The following CFAP73 variants were observed in gnomAD, a reference collection of about 807,000 sequenced individuals.
CFAP73 encodes the protein cilia and flagella associated protein 73.
CFAP73 carries 33 observed loss-of-function variants against 42.9 expected under a neutral mutation model. The observed-to-expected ratio is 0.77, with a 90% CI of 0.58 to 1.03. The LOEUF (loss-of-function observed/expected upper bound fraction) is 1.03, where lower values mean the gene tolerates loss of function less well. CFAP73 is among the 50% of genes least tolerant of loss of function. The pLI, the probability that CFAP73 is intolerant of heterozygous loss-of-function variation, is 0.00. For missense variants in CFAP73, 392 were observed against 411.9 expected (o/e 0.95, Z 0.42); for synonymous variants, 162 against 186.8 (o/e 0.87, Z 1.08).
At chr12:113,157,185 T>C (rs960648848) in intron 6 of CFAP73, 32 of 164,360 alleles carry the variant, frequency 1.9e-4, no homozygotes, top group Non-Finnish European at 1.3e-5. Flanking sequence ...GTTTTTACAA[T>C]GGATCCATGG....
At chr12:113,153,000 A>G in intron 3 of CFAP73, 113 bp downstream of exon 3, 1 of 863,348 alleles carries the variant, frequency 1.2e-6, no homozygotes, top group South Asian at 1.7e-5. Flanking sequence ...TGCAAAAGGA[A>G]ACGGCGGGAA....
intron 6 of CFAP73, among the ~76,000 whole-genome samples, chr12:113,155,996 C>T (rs980749279): frequency 6.6e-6 from 1 of 150,814 alleles, no homozygotes; most frequent in Non-Finnish European, 1.5e-5. Context: ...GACACGATCT[C>T]GGCTCACTGC....
In CFAP73 at chr12:113,158,771, T is replaced by C; in HGVS notation, c.*82T>C. On this transcript the variant is annotated 3_prime_UTR_variant, in exon 8 of 8. Transcript: ENST00000335621. This position sits in a 1 kb window ranked among gnomAD's most constrained non-coding sequence, Gnocchi z 4.9. ...CACAGATGATGGCTCCTGCAGGGAG[T>C]GCCCCCAGTGCCCAGCACAGGGCCA... 8.1e-7 allele frequency: 1 copy of C among 1,235,208 alleles called. No individual in the cohort carries two copies. The highest frequency in any genetic ancestry group is 1.1e-6 in the Non-Finnish European group (1 of 901,814). 76.5% of individuals were successfully genotyped at this position (1,235,208 alleles called of 1,614,324 possible). A position where few individuals can be genotyped will look rare whatever the true frequency, so the allele number is the denominator to read the frequency against.
Position 113,149,754 on chromosome 12 carries a change from A to G in CFAP73, c.-104A>G. 1 of 1,198,150 alleles carries G rather than the reference A, an allele frequency of 8.3e-7. No individual in the cohort carries two copies. Among genetic ancestry groups the G allele is most frequent in the Non-Finnish European group, 1.2e-6 (1 of 838,710 alleles). The allele number at this position is 1,198,150 out of a possible 1,614,324, so 74.2% of individuals were successfully genotyped here. A position where few individuals can be genotyped will look rare whatever the true frequency, so the allele number is the denominator to read the frequency against. On this transcript the variant is annotated 5_prime_UTR_variant, in exon 1 of 8. Coordinates refer to ENST00000335621, the MANE Select transcript of CFAP73 (RefSeq NM_001144872.3). Reference sequence around the variant, plus strand: ...CTGCTGGTGGCTGCCTTCTGGGCCGAGCTGAGCAGGCTTCCACACCACGCT... The same window carrying G: ...CTGCTGGTGGCTGCCTTCTGGGCCGGGCTGAGCAGGCTTCCACACCACGCT...
Position 113,154,501 on chromosome 12 carries a change from G to A in CFAP73, c.556G>A (p.Ala186Thr). The A allele has an allele frequency of 6.5e-7, 1 of 1,534,594 alleles. No homozygotes were observed. The highest frequency in any genetic ancestry group is 8.8e-7 in the Non-Finnish European group (1 of 1,142,176). The change falls in exon 5 of 8, where the codon GCG becomes ACG. Residue 186 changes from alanine (A) to threonine (T), a missense_variant. Ala to Thr is a moderately conservative substitution (Grantham distance 58, BLOSUM62 0). Transcript: ENST00000335621. This position sits in a 1 kb window ranked among gnomAD's most constrained non-coding sequence, Gnocchi z 4.7. ...ALRLREREQL[A>T]ELEAARARLQ... ...GAGGCTCAGGGAGCGCGAGCAGCTC[G>A]CGGAGCTGGAGGCGGCGCGAGCGCG...
chr12:113,151,350 C>A (rs192311835), intron 1 of CFAP73, among the ~76,000 whole-genome samples: 1 of 152,098 alleles, frequency 6.6e-6, no homozygotes, highest in African/African-American at 2.4e-5. Context: ...GGCATGGTGG[C>A]GTGCACCTGT....
rs1261169443 is a variant in CFAP73 at position 113,157,586 on chromosome 12, TG to T, written c.850-15del. 6.4e-7 allele frequency: 1 copy of T among 1,551,348 alleles called. No homozygotes were observed. The highest frequency in any genetic ancestry group is 1.4e-5 in the African/African-American group (1 of 73,186). ...ACTCTGGGGCTGGGATGTGACTTCG[TG>T]CTGGGCCCCCCCAGGTGAAGCTGTT... is the stretch of plus-strand genomic sequence containing the variant. On this transcript the variant is annotated splice_polypyrimidine_tract_variant and intron_variant, in intron 6 of 7. Coordinates refer to ENST00000335621, the MANE Select transcript of CFAP73 (RefSeq NM_001144872.3).
intron 7 of CFAP73, chr12:113,157,990 C>G: frequency 2.4e-6 from 1 of 416,978 alleles, no homozygotes; most frequent in Non-Finnish European, 4.4e-6. Flanking sequence ...AAAAAAAACT[C>G]TTTGTCAGGT....
Position 113,157,700 on chromosome 12 carries a change from G to A in CFAP73, c.*11+10G>A, listed in dbSNP as rs1177395545. ...CCTAGCCCTGACACAGGTGAGCAGC[G>A]GGAGAGGGAACCCCTGAGAGACCCT... On this transcript the variant is annotated intron_variant, in intron 7 of 7. Coordinates refer to ENST00000335621, the MANE Select transcript of CFAP73 (RefSeq NM_001144872.3). 1.6e-5 allele frequency: 24 copies of A among 1,546,700 alleles called. No individual in the cohort carries two copies. Among genetic ancestry groups the A allele is most frequent in the Admixed American group, 2.0e-5 (1 of 50,988 alleles).
intron 1 of CFAP73, among the ~76,000 whole-genome samples, chr12:113,150,666 C>T (rs1025117508): frequency 1.3e-5 from 2 of 152,174 alleles, no homozygotes; most frequent in Non-Finnish European, 1.5e-5. Context: ...TCTCCCGCAG[C>T]TGCCCACTGT....
intron 5 of CFAP73, 139 bp from the exon 6 acceptor site, chr12:113,155,121 G>A (rs1293647426): frequency 2.9e-6 from 2 of 701,542 alleles, no homozygotes. Flanking sequence ...AGTGAGCTGA[G>A]ATCAGGCCAC....
chr12:113,155,046 T>G (rs920432275), intron 5 of CFAP73, among the ~76,000 whole-genome samples: 1 of 152,036 alleles, frequency 6.6e-6, no homozygotes, highest in Non-Finnish European at 1.5e-5. Context: ...GGCGGGCGCC[T>G]GTACTCCCAG....
At chr12:113,152,167 C>A in intron 2 of CFAP73, 144 bp downstream of exon 2, 1 of 635,200 alleles carries the variant, frequency 1.6e-6, no homozygotes, top group Non-Finnish European at 2.8e-6. Context: ...CAAATGAGAC[C>A]AGTTGTTGGT....
chr12:113,155,247 G>C lies in CFAP73; in HGVS notation c.691-13G>C. The C allele has an allele frequency of 6.6e-7, 1 of 1,518,792 alleles. No individual in the cohort carries two copies. The highest frequency in any genetic ancestry group is 8.9e-7 in the Non-Finnish European group (1 of 1,122,730). The allele number at this position is 1,518,792 out of a possible 1,614,324, so 94.1% of individuals were successfully genotyped here. A position where few individuals can be genotyped will look rare whatever the true frequency, so the allele number is the denominator to read the frequency against. On this transcript the variant is annotated splice_polypyrimidine_tract_variant and intron_variant, in intron 5 of 7. Coordinates refer to ENST00000335621, the MANE Select transcript of CFAP73 (RefSeq NM_001144872.3). ...CAGTTGCCATAATTGGGAGTGGGGCGGGTGTTCTCCAGGAATCCAAGTGGA... is the reference window on the plus strand; with the variant it reads ...CAGTTGCCATAATTGGGAGTGGGGCCGGTGTTCTCCAGGAATCCAAGTGGA...
At chr12:113,151,807 A>T (rs1472567110) in intron 1 of CFAP73, 111 bp from the exon 2 acceptor site, 2 of 688,840 alleles carry the variant, frequency 2.9e-6, no homozygotes, top group East Asian at 5.6e-5. Context: ...AAAAAAAAAA[A>T]AAAATTAAAC....
intron 7 of CFAP73, chr12:113,157,974 G>A (rs552504925): frequency 2.2e-6 from 1 of 447,372 alleles, no homozygotes; most frequent in Non-Finnish European, 4.1e-6. Context: ...GGGTGGTTGG[G>A]GCATGAAAAA....
chr12:113,154,357 T>G lies in CFAP73; in HGVS notation c.469-57T>G. On this transcript the variant is annotated intron_variant, in intron 4 of 7. Coordinates refer to ENST00000335621, the MANE Select transcript of CFAP73 (RefSeq NM_001144872.3). This position sits in a 1 kb window ranked among gnomAD's most constrained non-coding sequence, Gnocchi z 4.7. ...AAGGAACGCTGGCGGCCAGGTGGGATGGAGAGGGTAAGGCACTGCAGGCCC... is the reference window on the plus strand; with the variant it reads ...AAGGAACGCTGGCGGCCAGGTGGGAGGGAGAGGGTAAGGCACTGCAGGCCC... 6.5e-7 allele frequency: 1 copy of G among 1,529,348 alleles called. No individual in the cohort carries two copies. The highest frequency in any genetic ancestry group is 8.8e-7 in the Non-Finnish European group (1 of 1,131,640). 94.7% of individuals were successfully genotyped at this position (1,529,348 alleles called of 1,614,324 possible).
At position 113,153,381 on chromosome 12, in the gene CFAP73, G is replaced by A. The variant is rs1486570266; in HGVS notation, c.441G>A (p.Leu147=). 15 of 1,467,366 alleles carry A rather than the reference G, an allele frequency of 1.0e-5. No homozygotes were observed. The highest frequency in any genetic ancestry group is 1.3e-5 in the Non-Finnish European group (14 of 1,116,574). 90.9% of individuals were successfully genotyped at this position (1,467,366 alleles called of 1,614,324 possible). A position where few individuals can be genotyped will look rare whatever the true frequency, so the allele number is the denominator to read the frequency against. ...LKRLEPCARL[L]EQALELLPGF... ...GCCTGGAGCCCTGCGCGCGCCTGCTGGAGCAAGCGCTGGAGCTGCTGCCCG... is the reference window on the plus strand; with the variant it reads ...GCCTGGAGCCCTGCGCGCGCCTGCTAGAGCAAGCGCTGGAGCTGCTGCCCG... The change falls in exon 4 of 8, where the codon CTG becomes CTA. Residue 147 remains leucine (L), a synonymous_variant. Transcript: ENST00000335621.
In CFAP73 at chr12:113,149,925, G is replaced by C; in HGVS notation, c.56+12G>C. The stretch of plus-strand genomic sequence containing the variant: ...GAGAAACTGTCTACGTGAGTGGGAC[G>C]TAGAGGGAGGGAGGGCTAGAAGGAG... On this transcript the variant is annotated intron_variant, in intron 1 of 7. Transcript: ENST00000335621. The C allele has an allele frequency of 6.5e-7, 1 of 1,550,108 alleles. No homozygotes were observed. The highest frequency in any genetic ancestry group is 2.0e-5 in the Admixed American group (1 of 51,004).
Sources: allele counts gnomAD v4.1 joint callset (sites outside exome capture counted in the v4.1 genomes callset), GRCh38; gene constraint gnomAD v4.1.1; non-coding constraint Gnocchi (gnomAD v3.1); transcripts MANE v1.5; gene names NCBI Gene and HGNC (gene_info 2026-07-23, HGNC 2026-07-21).